PTPRD: variants seen among roughly 807,000 people sequenced by gnomAD.
PTPRD encodes protein tyrosine phosphatase receptor type D.
A neutral mutation model predicts 214.5 loss-of-function variants in PTPRD; 34 were observed. The observed-to-expected ratio is 0.16, with a 90% CI of 0.12 to 0.21. The LOEUF is 0.21. Among genes scored for constraint, PTPRD ranks in the 10% least tolerant of loss-of-function variants. PTPRD has a pLI of 1.00. For missense variants in PTPRD, 2,545 were observed against 2,398.7 expected (o/e 1.06, Z -1.27); for synonymous variants, 1,128 against 845.7 (o/e 1.33, Z -5.79).
intron 14 of PTPRD, among the ~76,000 whole-genome samples, chr9:8,620,589 C>G (rs1284257359): frequency 6.6e-6 from 1 of 151,804 alleles, no homozygotes; most frequent in Non-Finnish European, 1.5e-5. Flanking sequence ...AAATTTTAAC[C>G]AGGTACAGTC....
intron 10 of PTPRD, among the ~76,000 whole-genome samples, chr9:9,082,655 T>C (rs1399854664): frequency 6.6e-6 from 1 of 152,064 alleles, no homozygotes; most frequent in South Asian, 2.1e-4. Flanking sequence ...GAAAACCCCA[T>C]CGTATCAGCC....
intron 9 of PTPRD, among the ~76,000 whole-genome samples, chr9:9,379,545 T>G (rs74834005): frequency 6.6e-6 from 1 of 152,010 alleles, no homozygotes; most frequent in Non-Finnish European, 1.5e-5. Flanking sequence ...TATATAACTT[T>G]AGAATCATTT....
At chr9:9,131,805 A>C (rs1395824232) in intron 10 of PTPRD, among the ~76,000 whole-genome samples, 1 of 152,240 alleles carries the variant, frequency 6.6e-6, no homozygotes, top group Non-Finnish European at 1.5e-5. Flanking sequence ...TATGGAGATG[A>C]ATGTACGTAG....
intron 3 of PTPRD, among the ~76,000 whole-genome samples, chr9:10,183,887 T>C (rs928032446): frequency 5.3e-5 from 8 of 152,222 alleles, no homozygotes; most frequent in African/African-American, 1.9e-4. Flanking sequence ...ATAACTATTA[T>C]AATTGTGTTC....
intron 21 of PTPRD, among the ~76,000 whole-genome samples, chr9:8,510,801 AT>A (rs1023515763): frequency 3.9e-5 from 6 of 152,192 alleles, no homozygotes; most frequent in South Asian, 2.1e-4. Flanking sequence ...ACACAAAGGA[AT>A]TTTTTTAAAT....
intron 2 of PTPRD, among the ~76,000 whole-genome samples, chr9:10,347,649 G>A (rs2097110033): frequency 6.6e-6 from 1 of 151,852 alleles, no homozygotes; most frequent in East Asian, 2.0e-4. Flanking sequence ...AACCTCAGGT[G>A]ACCACCCACC....
chr9:8,929,873 G>A lies in PTPRD; in HGVS notation c.-104+88824C>T, dbSNP rs1291364410. Among the ~76,000 whole-genome samples the A allele has an allele frequency of 2.5e-4, 20 of 80,194 alleles. 2 individuals carry two copies. The highest frequency in any genetic ancestry group is 6.8e-3 in the Middle Eastern group (1 of 148). 52.6% of individuals were successfully genotyped at this position (80,194 alleles called of 152,430 possible). On this transcript the variant is annotated intron_variant, in intron 11 of 45. Coordinates refer to ENST00000381196, the MANE Select transcript of PTPRD (RefSeq NM_002839.4). The stretch of plus-strand genomic sequence containing the variant: ...TATATATATGTGTATATACATGTGT[G>A]TGTATATATGTGTGTGTATATATAT...
chr9:9,703,121 G>A (rs1304163164), intron 7 of PTPRD, among the ~76,000 whole-genome samples: 2 of 152,026 alleles, frequency 1.3e-5, no homozygotes, highest in African/African-American at 2.4e-5. Context: ...TGCTGTTCTC[G>A]CGATGGTGAC....
intron 4 of PTPRD, among the ~76,000 whole-genome samples, chr9:9,993,154 T>C (rs750673756): frequency 5.4e-4 from 82 of 152,264 alleles, no homozygotes; most frequent in Admixed American, 8.5e-4. Context: ...TTGGCAAAGA[T>C]GTGGAGTAAC....
intron 11 of PTPRD, among the ~76,000 whole-genome samples, chr9:8,740,011 G>GT (rs1230303797): frequency 6.6e-6 from 1 of 152,058 alleles, no homozygotes; most frequent in Non-Finnish European, 1.5e-5. Flanking sequence ...CAGTGTCTCA[G>GT]GTATGTCTTT....
intron 3 of PTPRD, among the ~76,000 whole-genome samples, chr9:10,237,391 G>C (rs1054035563): frequency 1.3e-5 from 2 of 151,892 alleles, no homozygotes; most frequent in African/African-American, 4.8e-5. Flanking sequence ...CATTTTTCAA[G>C]TCTGGTAGTT....
At chr9:10,117,489 A>G (rs1345381227) in intron 3 of PTPRD, among the ~76,000 whole-genome samples, 1 of 152,126 alleles carries the variant, frequency 6.6e-6, no homozygotes, top group Non-Finnish European at 1.5e-5. Context: ...CACACTCCCT[A>G]CAAAAGCTCT....
chr9:9,899,112 T>C (rs1199137596), intron 5 of PTPRD, among the ~76,000 whole-genome samples: 2 of 152,052 alleles, frequency 1.3e-5, no homozygotes, highest in Non-Finnish European at 2.9e-5. Flanking sequence ...ACAATTAGAA[T>C]TGTAAGTTTA....
intron 43 of PTPRD, among the ~76,000 whole-genome samples, chr9:8,333,428 C>A (rs1038255255): frequency 6.6e-6 from 1 of 152,132 alleles, no homozygotes; most frequent in African/African-American, 2.4e-5. Flanking sequence ...TAATTTTCAA[C>A]CCAGAATTGC....
intron 7 of PTPRD, among the ~76,000 whole-genome samples, chr9:9,665,011 T>C (rs2096690730): frequency 6.6e-6 from 1 of 151,730 alleles, no homozygotes; most frequent in Non-Finnish European, 1.5e-5. Context: ...TATTATTATA[T>C]GTCAACAAAT....
At chr9:10,528,170 G>T (rs1016666884) in intron 2 of PTPRD, among the ~76,000 whole-genome samples, 3 of 152,064 alleles carry the variant, frequency 2.0e-5, no homozygotes, top group Non-Finnish European at 4.4e-5. Context: ...CAGAAGAAAT[G>T]TTTCTTTCTT....
At chr9:9,850,049 T>G (rs1182795372) in intron 5 of PTPRD, among the ~76,000 whole-genome samples, 2 of 151,674 alleles carry the variant, frequency 1.3e-5, no homozygotes, top group African/African-American at 2.4e-5. Flanking sequence ...ACGAACAGAG[T>G]AGTTACCCAG....
At chr9:8,875,921 A>C (rs1394650934) in intron 11 of PTPRD, among the ~76,000 whole-genome samples, 6 of 152,114 alleles carry the variant, frequency 3.9e-5, no homozygotes, top group Non-Finnish European at 8.8e-5. Context: ...AAGATGGAAA[A>C]ACACACACAC....
intron 8 of PTPRD, among the ~76,000 whole-genome samples, chr9:9,503,768 C>A (rs2096495348): frequency 6.6e-6 from 1 of 151,588 alleles, no homozygotes; most frequent in Admixed American, 6.6e-5. Flanking sequence ...CACACACATG[C>A]CTATGATTTT....
Sources: allele counts gnomAD v4.1 joint callset (sites outside exome capture counted in the v4.1 genomes callset), GRCh38; gene constraint gnomAD v4.1.1; transcripts MANE v1.5; gene names NCBI Gene and HGNC (gene_info 2026-07-23, HGNC 2026-07-21).